Variants in GOLPH3 observed in about 807,000 individuals in gnomAD.
GOLPH3 encodes golgi phosphoprotein 3, also known as coat protein GPP34.
GOLPH3 carries 14 observed loss-of-function variants against 28.5 expected under a neutral mutation model. The ratio of observed to expected loss-of-function variants is 0.49; its 90% CI spans 0.32 to 0.77. The LOEUF (loss-of-function observed/expected upper bound fraction) is 0.77, where lower values mean the gene tolerates loss of function less well. Among genes scored for constraint, GOLPH3 ranks in the 30% least tolerant of loss-of-function variants. GOLPH3 has a pLI of 0.03. For missense variants in GOLPH3, 350 were observed against 393.7 expected (o/e 0.89, Z 0.94); for synonymous variants, 158 against 159.2 (o/e 0.99, Z 0.06).
chr5:32,170,079 G>A (rs1746796887), intron 1 of GOLPH3, among the ~76,000 whole-genome samples: 1 of 152,102 alleles, frequency 6.6e-6, no homozygotes, highest in Admixed American at 6.6e-5. Context: ...AGGGAGACTT[G>A]ACTCAGAATA....
At chr5:32,129,321 G>A (rs908781918) in intron 3 of GOLPH3, among the ~76,000 whole-genome samples, 7 of 152,152 alleles carry the variant, frequency 4.6e-5, no homozygotes, top group African/African-American at 1.2e-4. Flanking sequence ...GGGCTATTAC[G>A]AGGATTAAAT....
intron 1 of GOLPH3, among the ~76,000 whole-genome samples, chr5:32,152,791 A>G (rs1417449936): frequency 8.6e-5 from 13 of 151,768 alleles, no homozygotes; most frequent in African/African-American, 3.1e-4. Flanking sequence ...CAAAAAAAAA[A>G]CAAAAACAAA....
chr5:32,173,934 C>A lies in GOLPH3; in HGVS notation c.101G>T (p.Gly34Val). The A allele has an allele frequency of 1.3e-6, 2 of 1,483,436 alleles. No individual in the cohort carries two copies. Among genetic ancestry groups the A allele is most frequent in the Non-Finnish European group, 1.8e-6 (2 of 1,122,792 alleles). 91.9% of individuals were successfully genotyped at this position (1,483,436 alleles called of 1,614,324 possible). ...DKERAAGGGA[G>V]SSEDDAQSRR... The stretch of plus-strand genomic sequence containing the variant: ...GCTCTGCGCGTCGTCCTCGCTGCTG[C>A]CGGCGCCGCCGCCCGCCGCCCGCTC... The change falls in exon 1 of 4, where the codon GGC becomes GTC. Residue 34 changes from glycine to valine, a missense_variant. Transcript: ENST00000265070.
intron 2 of GOLPH3, among the ~76,000 whole-genome samples, chr5:32,142,233 G>T (rs1250466183): frequency 6.6e-6 from 1 of 151,820 alleles, no homozygotes; most frequent in Non-Finnish European, 1.5e-5. Context: ...CGTCTGAGAT[G>T]CGGGGAGCAC....
At chr5:32,168,335 A>G (rs1045471321) in intron 1 of GOLPH3, among the ~76,000 whole-genome samples, 3 of 152,354 alleles carry the variant, frequency 2.0e-5, no homozygotes, top group Non-Finnish European at 2.9e-5. Context: ...CCTTATTCCA[A>G]AAATGGAAAA....
At chr5:32,168,169 C>T (rs1746755545) in intron 1 of GOLPH3, among the ~76,000 whole-genome samples, 1 of 152,198 alleles carries the variant, frequency 6.6e-6, no homozygotes, top group Non-Finnish European at 1.5e-5. Flanking sequence ...AAACTCAGCA[C>T]ATCTGGAAAT....
At chr5:32,167,297 G>A (rs1303357273) in intron 1 of GOLPH3, among the ~76,000 whole-genome samples, 8 of 152,074 alleles carry the variant, frequency 5.3e-5, no homozygotes, top group East Asian at 3.9e-4. Flanking sequence ...TCAGCCTCCC[G>A]AGTAGCTGGG....
At chr5:32,133,079 T>C (rs1287465810) in intron 3 of GOLPH3, among the ~76,000 whole-genome samples, 1 of 152,174 alleles carries the variant, frequency 6.6e-6, no homozygotes, top group Non-Finnish European at 1.5e-5. Flanking sequence ...TGCTAAGTAT[T>C]AGTTTCACAT....
intron 1 of GOLPH3, among the ~76,000 whole-genome samples, chr5:32,146,089 C>G (rs1212838122): frequency 6.6e-6 from 1 of 152,048 alleles, no homozygotes; most frequent in East Asian, 1.9e-4. Flanking sequence ...CCCAGGAATT[C>G]CAGACCCCTG....
chr5:32,149,866 T>G (rs1365330587), intron 1 of GOLPH3, among the ~76,000 whole-genome samples: 1 of 151,824 alleles, frequency 6.6e-6, no homozygotes, highest in Non-Finnish European at 1.5e-5. Context: ...GTGTGGTGGC[T>G]CATGCCTGTA....
At chr5:32,152,107 T>C (rs375409509) in intron 1 of GOLPH3, among the ~76,000 whole-genome samples, 1 of 152,050 alleles carries the variant, frequency 6.6e-6, no homozygotes, top group Non-Finnish European at 1.5e-5. Context: ...ATGGTACACT[T>C]GATGTTATGC....
intron 1 of GOLPH3, among the ~76,000 whole-genome samples, chr5:32,148,700 G>A (rs1301875594): frequency 1.3e-5 from 2 of 151,824 alleles, no homozygotes; most frequent in South Asian, 2.1e-4. Flanking sequence ...GGGAGGCTGA[G>A]GCAGGAGAAT....
At chr5:32,137,319 C>A (rs1162790722) in intron 2 of GOLPH3, among the ~76,000 whole-genome samples, 1 of 151,750 alleles carries the variant, frequency 6.6e-6, no homozygotes, top group Non-Finnish European at 1.5e-5. Context: ...TTATCAATAG[C>A]GTTGATTACA....
chr5:32,163,117 AG>A (rs1746629486), intron 1 of GOLPH3, among the ~76,000 whole-genome samples: 1 of 152,202 alleles, frequency 6.6e-6, no homozygotes, highest in Admixed American at 6.5e-5. Flanking sequence ...TTTGCCCAGG[AG>A]AAAACTAAGG....
rs201428434 is a variant in GOLPH3 at position 32,126,181 on chromosome 5, G to C, written c.*31C>G. On this transcript the variant is annotated 3_prime_UTR_variant, in exon 4 of 4. Transcript: ENST00000265070. Reference sequence around the variant, plus strand: ...GAAGAAAAACTACTGGTTTACTTGAGAGAAAGGAGAATGGTTCACCCCGAG... The same window carrying C: ...GAAGAAAAACTACTGGTTTACTTGACAGAAAGGAGAATGGTTCACCCCGAG... The C allele has an allele frequency of 1.3e-6, 2 of 1,576,108 alleles. No individual in the cohort carries two copies. Among genetic ancestry groups the C allele is most frequent in the African/African-American group, 1.4e-5 (1 of 73,648 alleles).
intron 3 of GOLPH3, among the ~76,000 whole-genome samples, chr5:32,128,627 C>T (rs1745750755): frequency 2.0e-5 from 3 of 152,010 alleles, no homozygotes; most frequent in African/African-American, 7.2e-5. Context: ...TGCCATTGCT[C>T]TCCAACCTAG....
chr5:32,156,864 G>C (rs1203601131), intron 1 of GOLPH3, among the ~76,000 whole-genome samples: 1 of 152,194 alleles, frequency 6.6e-6, no homozygotes, highest in African/African-American at 2.4e-5. Context: ...CCACAGACCA[G>C]TACCGGTCCA....
intron 2 of GOLPH3, among the ~76,000 whole-genome samples, chr5:32,142,173 GGCC>G (rs761887400): frequency 6.6e-6 from 1 of 150,516 alleles, no homozygotes; most frequent in Non-Finnish European, 1.5e-5. Flanking sequence ...GCCTCTTCCC[GGCC>G]GCCATCACAT....
chr5:32,126,306 A>G lies in GOLPH3; in HGVS notation c.803T>C (p.Val268Ala). ...DEQYDLATKR[V>A]RQLLDLDPEV... ...AGGGTCTAAGTCGAGAAGCTGCCGC[A>G]CTCTCTTGGTAGCCAAATCATACTG... is the stretch of plus-strand genomic sequence containing the variant. The change falls in exon 4 of 4, where the codon GTG becomes GCG. Residue 268 changes from valine to alanine, a missense_variant. Physicochemically the swap from Val to Ala is moderately conservative, Grantham distance 64. Transcript: ENST00000265070. The G allele has an allele frequency of 3.1e-6, 5 of 1,613,972 alleles. No homozygotes were observed. Among genetic ancestry groups the G allele is most frequent in the Non-Finnish European group, 4.2e-6 (5 of 1,179,996 alleles).
Sources: allele counts gnomAD v4.1 joint callset (sites outside exome capture counted in the v4.1 genomes callset), GRCh38; gene constraint gnomAD v4.1.1; transcripts MANE v1.5; gene names NCBI Gene and HGNC (gene_info 2026-07-23, HGNC 2026-07-21).